The following APBA1 variants were observed in gnomAD, a reference collection of about 807,000 sequenced individuals.
The protein encoded by APBA1 is amyloid-beta A4 precursor protein-binding family A member 1.
A neutral mutation model predicts 86.6 loss-of-function variants in APBA1; 55 were observed. That is an observed-to-expected ratio of 0.64 (90% confidence interval 0.51 to 0.80). The LOEUF (loss-of-function observed/expected upper bound fraction) is 0.80. Ranked by LOEUF, APBA1 falls within the 30% of genes least tolerant of loss-of-function variation. The pLI is 0.00. For synonymous variants in APBA1, 511 were observed against 493.9 expected (o/e 1.03, Z -0.46); for missense variants, 1,090 against 1,183.0 (o/e 0.92, Z 1.15).
intron 1 of APBA1, among the ~76,000 whole-genome samples, chr9:69,601,661 T>C (rs1822351900): frequency 6.6e-6 from 1 of 152,204 alleles, no homozygotes. Context: ...GAGCATAGAA[T>C]GAAAGAGTTG....
At chr9:69,583,966 A>T (rs967295886) in intron 1 of APBA1, among the ~76,000 whole-genome samples, 1 of 152,234 alleles carries the variant, frequency 6.6e-6, no homozygotes, top group African/African-American at 2.4e-5. Flanking sequence ...TCCAGCACAT[A>T]GTGAGTGCAG....
chr9:69,483,728 C>G (rs772739092), intron 2 of APBA1, among the ~76,000 whole-genome samples: 2 of 152,058 alleles, frequency 1.3e-5, no homozygotes, highest in South Asian at 2.1e-4. Flanking sequence ...GTCAGGACAA[C>G]GAACAAACCC....
At chr9:69,606,128 T>C (rs539784892) in intron 1 of APBA1, among the ~76,000 whole-genome samples, 5 of 152,364 alleles carry the variant, frequency 3.3e-5, no homozygotes, top group South Asian at 4.1e-4. Context: ...AGCACTAGTA[T>C]GCAAGCAAAT....
chr9:69,444,091 C>A (rs1052165007), intron 10 of APBA1, among the ~76,000 whole-genome samples: 8 of 152,168 alleles, frequency 5.3e-5, no homozygotes, highest in African/African-American at 1.9e-4. Flanking sequence ...ATCTGCTCCC[C>A]CCGTGCTCTG....
In APBA1 at chr9:69,517,190, A is replaced by C; in HGVS notation, c.21T>G (p.Ser7=). MNHLEG[S]AEVEVTDEAA... ...CCTCGTCGGTCACCTCCACCTCCGCAGACCCCTCCAAGTGGTTCATGGTGG... is the reference window on the plus strand; with the variant it reads ...CCTCGTCGGTCACCTCCACCTCCGCCGACCCCTCCAAGTGGTTCATGGTGG... The change falls in exon 2 of 13, where the codon TCT becomes TCG. Residue 7 remains serine (S), a synonymous_variant. Coordinates refer to ENST00000265381, the MANE Select transcript of APBA1 (RefSeq NM_001163.4). The C allele has an allele frequency of 6.5e-7, 1 of 1,532,438 alleles. No individual in the cohort carries two copies. The highest frequency in any genetic ancestry group is 8.8e-7 in the Non-Finnish European group (1 of 1,139,762). 94.9% of individuals were successfully genotyped at this position (1,532,438 alleles called of 1,614,324 possible). A position where few individuals can be genotyped will look rare whatever the true frequency, so the allele number is the denominator to read the frequency against.
At chr9:69,605,390 A>G (rs1445760907) in intron 1 of APBA1, among the ~76,000 whole-genome samples, 1 of 152,244 alleles carries the variant, frequency 6.6e-6, no homozygotes, top group Non-Finnish European at 1.5e-5. Context: ...TATAACTGAT[A>G]ATACCAACAA....
chr9:69,590,006 C>T (rs1394167357), intron 1 of APBA1, among the ~76,000 whole-genome samples: 1 of 152,160 alleles, frequency 6.6e-6, no homozygotes, highest in East Asian at 1.9e-4. Flanking sequence ...CTCTGAGCTG[C>T]TCTTTTCACC....
At chr9:69,562,613 G>A (rs1836963786) in intron 1 of APBA1, among the ~76,000 whole-genome samples, 1 of 152,028 alleles carries the variant, frequency 6.6e-6, no homozygotes, top group Non-Finnish European at 1.5e-5. Flanking sequence ...GACCTCATGT[G>A]ATCCTCCTGC....
chr9:69,665,679 A>G (rs1823829282), intron 1 of APBA1, among the ~76,000 whole-genome samples: 1 of 152,228 alleles, frequency 6.6e-6, no homozygotes, highest in East Asian at 1.9e-4. Context: ...AAGAAAAGAG[A>G]GCAATATTTA....
chr9:69,541,038 C>T (rs1204388730), intron 1 of APBA1, among the ~76,000 whole-genome samples: 2 of 152,172 alleles, frequency 1.3e-5, no homozygotes, highest in African/African-American at 4.8e-5. Flanking sequence ...TTCTTTAAGG[C>T]TGAATAACAT....
intron 1 of APBA1, among the ~76,000 whole-genome samples, chr9:69,629,169 G>T (rs914502334): frequency 1.4e-4 from 21 of 152,076 alleles, no homozygotes; most frequent in African/African-American, 5.1e-4. Flanking sequence ...TCCAATAAAT[G>T]TTCAGGATTC....
intron 1 of APBA1, among the ~76,000 whole-genome samples, chr9:69,527,275 A>G (rs4744907): frequency 0.74 from 112,093 of 151,988 alleles, 41,643 homozygotes; most frequent in East Asian, 0.91. Context: ...AATGACTTGA[A>G]CACATGGTAC....
intron 5 of APBA1, 82 bp downstream of exon 5, chr9:69,467,741 G>A (rs987150207): frequency 4.6e-6 from 7 of 1,537,552 alleles, no homozygotes; most frequent in Non-Finnish European, 6.2e-6. Flanking sequence ...TAAACTATAT[G>A]TGGAGTTGTG....
intron 1 of APBA1, among the ~76,000 whole-genome samples, chr9:69,650,826 A>T (rs1297136137): frequency 1.8e-4 from 28 of 152,234 alleles, no homozygotes; most frequent in Admixed American, 1.8e-3. Context: ...CTCAGATTAC[A>T]CCAAACAGAA....
At chr9:69,513,508 T>C (rs1008417597) in intron 2 of APBA1, among the ~76,000 whole-genome samples, 11 of 152,256 alleles carry the variant, frequency 7.2e-5, no homozygotes, top group Non-Finnish European at 1.5e-4. Context: ...TTTGAAAACC[T>C]GCTCTATTTC....
rs192996095 is a variant in APBA1 at position 69,588,267 on chromosome 9, G to A, written c.-69-70988C>T. ...TTGGCATATTGGAGAAACAGAAAAG[G>A]GGGCAATGTCATTAAAAAGCTTATT... On this transcript the variant is annotated intron_variant, in intron 1 of 12. Transcript: ENST00000265381. 2.1e-4 allele frequency among the ~76,000 whole-genome samples: 32 copies of A among 152,194 alleles called. No homozygotes were observed. The East Asian group carries it at 6.0e-3, about 28-fold the overall frequency.
At chr9:69,570,819 C>T (rs539793591) in intron 1 of APBA1, among the ~76,000 whole-genome samples, 35 of 152,292 alleles carry the variant, frequency 2.3e-4, no homozygotes, top group African/African-American at 7.9e-4. Context: ...AACATTTCAT[C>T]CCCACGGCGA....
At chr9:69,636,827 GAGA>G in intron 1 of APBA1, among the ~76,000 whole-genome samples, 2 of 6,428 alleles carry the variant, frequency 3.1e-4, no homozygotes, top group Non-Finnish European at 8.3e-4. Flanking sequence ...GAGAGAGAGA[GAGA>G]GGGAGGGAGG....
At chr9:69,614,441 T>C (rs568643210) in intron 1 of APBA1, among the ~76,000 whole-genome samples, 26 of 152,336 alleles carry the variant, frequency 1.7e-4, no homozygotes, top group Non-Finnish European at 8.8e-5. Context: ...ATGTTATATA[T>C]ACAAATGTTA....
Sources: allele counts gnomAD v4.1 joint callset (sites outside exome capture counted in the v4.1 genomes callset), GRCh38; gene constraint gnomAD v4.1.1; transcripts MANE v1.5; gene names NCBI Gene and HGNC (gene_info 2026-07-23, HGNC 2026-07-21).